The following CLSTN1 variants were observed in gnomAD, a reference collection of about 807,000 sequenced individuals.
The protein encoded by CLSTN1 is calsyntenin 1, also known as calsyntenin-1.
In CLSTN1, 28 loss-of-function variants were observed where a neutral mutation model predicts 108.3. That is an observed-to-expected ratio of 0.26 (90% CI 0.19 to 0.35). The LOEUF (loss-of-function observed/expected upper bound fraction) is 0.35. Among genes scored for constraint, CLSTN1 ranks in the 10% least tolerant of loss-of-function variants. The pLI, the probability that CLSTN1 is intolerant of heterozygous loss-of-function variation, is 1.00. For synonymous variants in CLSTN1, 524 were observed against 534.9 expected, an observed-to-expected ratio of 0.98 and a Z score of 0.28; for missense variants, 1,157 against 1,302.6, an observed-to-expected ratio of 0.89 and a Z score of 1.72.
intron 10 of CLSTN1, among the ~76,000 whole-genome samples, chr1:9,738,786 T>TTA (rs1650820713): frequency 6.6e-6 from 1 of 152,110 alleles, no homozygotes; most frequent in Non-Finnish European, 1.5e-5. Context: ...GTAACTGGGA[T>TTA]TACAGGCGCA....
intron 7 of CLSTN1, among the ~76,000 whole-genome samples, chr1:9,745,639 T>A (rs1271650608): frequency 6.6e-6 from 1 of 151,816 alleles, no homozygotes; most frequent in African/African-American, 2.4e-5. Flanking sequence ...CCTGGGCGAG[T>A]GCGACCCTGT....
At position 9,729,641 on chromosome 1, in the gene CLSTN1, C is replaced by A. The variant is rs745670146; in HGVS notation, c.*867G>T. Reference sequence around the variant, plus strand: ...TAAGCATAAACCACAAGGCTGCACACGGTGAGACCAGGCCACTGCCCAGGG... The same window carrying A: ...TAAGCATAAACCACAAGGCTGCACAAGGTGAGACCAGGCCACTGCCCAGGG... On this transcript the variant is annotated 3_prime_UTR_variant, in exon 19 of 19. Transcript: ENST00000377298. The A allele has an allele frequency of 6.6e-6, 1 of 152,576 alleles. No individual in the cohort carries two copies. Among genetic ancestry groups the A allele is most frequent in the East Asian group, 1.9e-4 (1 of 5,204 alleles). The allele number at this position is 152,576 out of a possible 1,614,324, so 9.5% of individuals were successfully genotyped here. A position where few individuals can be genotyped will look rare whatever the true frequency, so the allele number is the denominator to read the frequency against.
At chr1:9,751,741 G>A in intron 4 of CLSTN1, 60 bp from the exon 5 acceptor site, 4 of 1,484,846 alleles carry the variant, frequency 2.7e-6, no homozygotes, top group Non-Finnish European at 1.9e-6. Context: ...GAGAGAGACA[G>A]AGAGTGTGTA....
At chr1:9,810,873 C>CGGAT (rs1325513271) in intron 1 of CLSTN1, among the ~76,000 whole-genome samples, 2 of 152,146 alleles carry the variant, frequency 1.3e-5, no homozygotes, top group African/African-American at 4.8e-5. Flanking sequence ...CACATACCTC[C>CGGAT]GGATCCTCTC....
At chr1:9,804,270 G>A (rs1654410494) in intron 1 of CLSTN1, among the ~76,000 whole-genome samples, 1 of 150,424 alleles carries the variant, frequency 6.6e-6, no homozygotes, top group Admixed American at 6.7e-5. Flanking sequence ...GGCTGAGGCA[G>A]GAGAATGGCA....
At chr1:9,750,214 A>G (rs1436122347) in intron 5 of CLSTN1, 1 of 213,558 alleles carries the variant, frequency 4.7e-6, no homozygotes, top group African/African-American at 2.3e-5. Flanking sequence ...TCAGAGGATT[A>G]AAAAATAATA....
intron 9 of CLSTN1, among the ~76,000 whole-genome samples, chr1:9,741,967 A>G (rs1170317160): frequency 6.6e-6 from 1 of 152,194 alleles, no homozygotes. Context: ...ACACCATAGT[A>G]CATGTATTTT....
intron 1 of CLSTN1, among the ~76,000 whole-genome samples, chr1:9,801,653 C>CA (rs1342750084): frequency 6.6e-6 from 1 of 152,190 alleles, no homozygotes; most frequent in Non-Finnish European, 1.5e-5. Flanking sequence ...CTTCTGGGTT[C>CA]AAGTGATTCT....
intron 1 of CLSTN1, among the ~76,000 whole-genome samples, chr1:9,801,617 C>T (rs543802142): frequency 3.9e-5 from 6 of 152,250 alleles, no homozygotes; most frequent in South Asian, 4.2e-4. Flanking sequence ...CGCAGTGGCA[C>T]GATCTCGGCT....
At chr1:9,760,835 A>C (rs1274343845) in intron 2 of CLSTN1, among the ~76,000 whole-genome samples, 2 of 151,574 alleles carry the variant, frequency 1.3e-5, no homozygotes, top group African/African-American at 4.9e-5. Flanking sequence ...GCCCCAGTTC[A>C]TGGTAGTCAA....
chr1:9,778,821 C>A (rs1238366371), intron 1 of CLSTN1, among the ~76,000 whole-genome samples: 1 of 151,700 alleles, frequency 6.6e-6, no homozygotes, highest in Non-Finnish European at 1.5e-5. Flanking sequence ...TCGAGACCAG[C>A]CTGGCCAACA....
intron 2 of CLSTN1, among the ~76,000 whole-genome samples, chr1:9,765,252 C>T (rs942661594): frequency 2.6e-5 from 4 of 151,922 alleles, no homozygotes; most frequent in Non-Finnish European, 4.4e-5. Context: ...GGCGTGGTGG[C>T]GGGCGCCTGC....
rs144945908 is a variant in CLSTN1, at chr1:9,735,027, G to A, written c.2031C>T (p.Phe677=). 6.2e-7 allele frequency: 1 copy of A among 1,614,210 alleles called. No individual in the cohort carries two copies. Residue 677 remains phenylalanine, a synonymous_variant, in exon 14 of 19, where the codon TTC becomes TTT. Coordinates refer to ENST00000377298, the MANE Select transcript of CLSTN1 (RefSeq NM_001009566.3). ...TGATGATGCGAAGCTCAGGGAAAAG[G>A]AACACCCCTTCTGAGCTTTCAAATT... The part of the protein sequence containing the change: ...ASEFESSEGV[F]LFPELRIIST...
chr1:9,796,247 G>A (rs1653990212), intron 1 of CLSTN1, among the ~76,000 whole-genome samples: 1 of 143,144 alleles, frequency 7.0e-6, no homozygotes, highest in Non-Finnish European at 1.5e-5. Context: ...GGGCGACAGG[G>A]CAAGACTGTC....
chr1:9,752,749 C>T (rs1651612785), intron 4 of CLSTN1, among the ~76,000 whole-genome samples: 2 of 152,096 alleles, frequency 1.3e-5, no homozygotes, highest in Admixed American at 1.3e-4. Context: ...GTAATCCCAG[C>T]TGCTTGGGAG....
rs115190533 is a variant in CLSTN1 at position 9,761,371 on chromosome 1, A to T, written c.215-4861T>A. On this transcript the variant is annotated intron_variant, in intron 2 of 18. Transcript: ENST00000377298. Reference sequence around the variant, plus strand: ...AGCTGGGAGTGGTGGCGTGTGCCTGAGGTCCCGGCTACTTGGGAGCCTAAG... The same window carrying T: ...AGCTGGGAGTGGTGGCGTGTGCCTGTGGTCCCGGCTACTTGGGAGCCTAAG... Among the ~76,000 whole-genome samples, 1,392 of 152,028 alleles carry T rather than the reference A, an allele frequency of 9.2e-3. 14 individuals carry two copies. The highest frequency in any genetic ancestry group is 0.042 in the East Asian group (219 of 5,166).
intron 4 of CLSTN1, among the ~76,000 whole-genome samples, 177 bp from the exon 5 acceptor site, chr1:9,751,858 T>A (rs940427692): frequency 6.6e-6 from 1 of 152,170 alleles, no homozygotes; most frequent in Non-Finnish European, 1.5e-5. Context: ...ATTCACTGCT[T>A]TTCATTCAAG....
chr1:9,778,470 T>G (rs1397436282), intron 1 of CLSTN1, among the ~76,000 whole-genome samples: 1 of 151,022 alleles, frequency 6.6e-6, no homozygotes, highest in Non-Finnish European at 1.5e-5. Flanking sequence ...TGCGAAGGTG[T>G]TTTTTTTTAT....
chr1:9,756,560 G>C, intron 2 of CLSTN1, 50 bp from the exon 3 acceptor site: 1 of 1,544,546 alleles, frequency 6.5e-7, no homozygotes, highest in Non-Finnish European at 8.9e-7. Flanking sequence ...AAAGAATGAA[G>C]ATGGAATACA....
Sources: allele counts gnomAD v4.1 joint callset (sites outside exome capture counted in the v4.1 genomes callset), GRCh38; gene constraint gnomAD v4.1.1; transcripts MANE v1.5; gene names NCBI Gene and HGNC (gene_info 2026-07-23, HGNC 2026-07-21).